CFAP221: variants seen among roughly 807,000 people sequenced by gnomAD.
The protein encoded by CFAP221 is cilia- and flagella-associated protein 221.
Under a neutral mutation model 113.1 loss-of-function variants are expected in CFAP221, and 97 were observed. The observed-to-expected ratio is 0.86, with a 90% CI of 0.73 to 1.02. The LOEUF (loss-of-function observed/expected upper bound fraction) is 1.02, where lower values mean the gene tolerates loss of function less well. Ranked by LOEUF, CFAP221 falls within the 50% of genes least tolerant of loss-of-function variation. The pLI, the probability that CFAP221 is intolerant of heterozygous loss-of-function variation, is 0.00. For synonymous variants in CFAP221, 331 were observed against 354.4 expected, an observed-to-expected ratio of 0.93 and a Z score of 0.74; for missense variants, 1,025 against 1,013.4, an observed-to-expected ratio of 1.01 and a Z score of -0.16.
At chr2:119,561,876 G>T in intron 5 of CFAP221, 138 bp from the exon 6 acceptor site, 1 of 659,210 alleles carries the variant, frequency 1.5e-6, no homozygotes, top group Non-Finnish European at 2.6e-6. Context: ...TATGTCTAAT[G>T]TTGTAGTTAA....
Position 119,548,693 on chromosome 2 carries a change from A to T in CFAP221, c.140-392A>T, listed in dbSNP as rs536211905. Among the ~76,000 whole-genome samples the T allele has an allele frequency of 1.2e-3, 181 of 152,362 alleles. 2 individuals are homozygous for T. Among genetic ancestry groups the T allele is most frequent in the Non-Finnish European group, 2.3e-3 (154 of 68,032 alleles). On this transcript the variant is annotated intron_variant, in intron 2 of 23. Transcript: ENST00000413369. ...ATAAACTTAAGTGTGCGGTGTTTGG[A>T]TACTTTGATCTGGGTATTCATTATG...
chr2:119,616,072 A>T lies in CFAP221; in HGVS notation c.1410+363A>T, dbSNP rs145764889. On this transcript the variant is annotated intron_variant, in intron 14 of 23. Transcript: ENST00000413369. Reference sequence around the variant, plus strand: ...ACAATATGCAGCCTTTTAAAAAATCAATTTATAAATTTATAATTGACACAT... The same window carrying T: ...ACAATATGCAGCCTTTTAAAAAATCTATTTATAAATTTATAATTGACACAT... Among the ~76,000 whole-genome samples, 280 of 152,320 alleles carry T rather than the reference A, an allele frequency of 1.8e-3. 1 individual carries two copies. The highest frequency in any genetic ancestry group is 6.4e-3 in the African/African-American group (264 of 41,570).
intron 23 of CFAP221, among the ~76,000 whole-genome samples, chr2:119,655,800 A>T (rs550985708): frequency 6.6e-6 from 1 of 151,934 alleles, no homozygotes; most frequent in East Asian, 1.9e-4. Flanking sequence ...CCATCAATTG[A>T]TAGCCTCATT....
chr2:119,559,558 C>A, intron 3 of CFAP221, 131 bp from the exon 4 acceptor site: 1 of 731,536 alleles, frequency 1.4e-6, no homozygotes. Context: ...TGATGTATTT[C>A]AAATATTTTG....
In CFAP221 at chr2:119,627,711, G is replaced by A; in HGVS notation, c.1575G>A (p.Arg525=). ...RRISQDDYTS[R]FSVSPKEVLP... ...TCAGTCAGGATGATTATACCAGCCG[G>A]TTCTCTGTGTCGCCCAAGGAGGTGC... Residue 525 remains arginine (R), a synonymous_variant, in exon 16 of 24, where the codon CGG becomes CGA. Coordinates refer to ENST00000413369, the MANE Select transcript of CFAP221 (RefSeq NM_001271049.2). 1.2e-6 allele frequency: 2 copies of A among 1,613,804 alleles called. No individual in the cohort carries two copies. The highest frequency in any genetic ancestry group is 1.7e-6 in the Non-Finnish European group (2 of 1,179,908).
At chr2:119,584,011 A>G (rs1683030643) in intron 6 of CFAP221, among the ~76,000 whole-genome samples, 1 of 152,216 alleles carries the variant, frequency 6.6e-6, no homozygotes, top group African/African-American at 2.4e-5. Flanking sequence ...CAAACATACC[A>G]AAACACCTAG....
intron 7 of CFAP221, among the ~76,000 whole-genome samples, chr2:119,594,742 G>A (rs1268475659): frequency 2.0e-5 from 3 of 152,104 alleles, no homozygotes; most frequent in Admixed American, 6.5e-5. Context: ...TGCTTACATC[G>A]TGCTTACCAT....
chr2:119,555,722 A>G (rs1443616209), intron 3 of CFAP221, among the ~76,000 whole-genome samples: 1 of 152,208 alleles, frequency 6.6e-6, no homozygotes, highest in African/African-American at 2.4e-5. Flanking sequence ...GCTGGAGACC[A>G]GGTTCTAGGT....
intron 2 of CFAP221, among the ~76,000 whole-genome samples, chr2:119,548,771 T>G (rs1324164993): frequency 6.6e-6 from 1 of 152,208 alleles, no homozygotes; most frequent in East Asian, 1.9e-4. Context: ...GTGCTCTTTA[T>G]GAGCTGGTGA....
intron 11 of CFAP221, among the ~76,000 whole-genome samples, chr2:119,607,299 G>C (rs1174659287): frequency 6.6e-6 from 1 of 152,068 alleles, no homozygotes; most frequent in African/African-American, 2.4e-5. Context: ...GCCCATACCT[G>C]GTTTGTTTTT....
chr2:119,599,005 T>A (rs1261139524), intron 7 of CFAP221, among the ~76,000 whole-genome samples: 1 of 152,116 alleles, frequency 6.6e-6, no homozygotes, highest in Non-Finnish European at 1.5e-5. Flanking sequence ...AAGTGGGTGG[T>A]CAAAGTATTG....
chr2:119,607,257 G>C (rs551373626), intron 11 of CFAP221, among the ~76,000 whole-genome samples: 10 of 152,148 alleles, frequency 6.6e-5, no homozygotes, highest in Non-Finnish European at 1.3e-4. Context: ...CCTCCAAAGT[G>C]CTGGGATTAC....
At chr2:119,544,920 C>T (rs1320895031) in intron 1 of CFAP221, among the ~76,000 whole-genome samples, 1 of 151,962 alleles carries the variant, frequency 6.6e-6, no homozygotes, top group Non-Finnish European at 1.5e-5. Flanking sequence ...GGATGTGAGG[C>T]TCCGGGAGGA....
At chr2:119,588,607 C>T (rs1224388718) in intron 7 of CFAP221, among the ~76,000 whole-genome samples, 1 of 152,164 alleles carries the variant, frequency 6.6e-6, no homozygotes, top group East Asian at 1.9e-4. Flanking sequence ...GCAGGCCTTT[C>T]CCTCCGTGCT....
At chr2:119,651,483 CA>C (rs1208375709) in intron 22 of CFAP221, among the ~76,000 whole-genome samples, 1 of 69,404 alleles carries the variant, frequency 1.4e-5, no homozygotes, top group African/African-American at 5.3e-5. Flanking sequence ...TAGCAGACCA[CA>C]AAAAGATCGA....
At chr2:119,559,833 GT>G in intron 4 of CFAP221, 58 bp downstream of exon 4, 1 of 1,480,348 alleles carries the variant, frequency 6.8e-7, no homozygotes, top group South Asian at 1.2e-5. Flanking sequence ...TCTCAGGCCT[GT>G]GTGGGGTGGG....
Position 119,608,584 on chromosome 2 carries a change from T to C in CFAP221, c.1216T>C (p.Tyr406His). Residue 406 changes from tyrosine (Y) to histidine (H), a missense_variant, in exon 12 of 24, where the codon TAT becomes CAT. Transcript: ENST00000413369. Reference protein sequence around the residue: ...TEEWQKACAKYKLDRGDPILD... With the variant: ...TEEWQKACAKHKLDRGDPILD... Reference sequence around the variant, plus strand: ...AGAGTGGCAAAAAGCATGTGCCAAATATAAGGTCAGAGTTACTGCTAATTT... The same window carrying C: ...AGAGTGGCAAAAAGCATGTGCCAAACATAAGGTCAGAGTTACTGCTAATTT... The C allele has an allele frequency of 6.2e-7, 1 of 1,610,250 alleles. No individual in the cohort carries two copies. The highest frequency in any genetic ancestry group is 8.5e-7 in the Non-Finnish European group (1 of 1,177,032).
At chr2:119,560,263 T>A (rs1681146467) in intron 5 of CFAP221, among the ~76,000 whole-genome samples, 2 of 151,942 alleles carry the variant, frequency 1.3e-5, no homozygotes, top group Non-Finnish European at 2.9e-5. Context: ...GGAGACGCGG[T>A]TTGCTGCAGG....
downstream of CFAP221, chr2:119,660,152 T>C (rs1261647328): frequency 1.3e-5 from 2 of 152,282 alleles, no homozygotes; most frequent in Non-Finnish European, 2.9e-5. Flanking sequence ...ATTTCTCTTA[T>C]TTCCCTGCTC....
Sources: gnomAD v4.1 joint callset for allele counts (sites outside exome capture counted in the v4.1 genomes callset) on GRCh38, gnomAD v4.1.1 for gene constraint, MANE v1.5 for transcripts, NCBI Gene and HGNC (gene_info 2026-07-23, HGNC 2026-07-21) for gene names.